The following NUBPL variants were observed in gnomAD, a reference collection of about 807,000 sequenced individuals.
NUBPL encodes NUBP iron-sulfur cluster assembly factor, mitochondrial.
NUBPL carries 31 observed loss-of-function variants against 45.7 expected under a neutral mutation model. The observed-to-expected ratio is 0.68, with a 90% CI of 0.51 to 0.92. The LOEUF is 0.92. NUBPL is among the 40% of genes least tolerant of loss of function. NUBPL has a pLI of 0.00. For missense variants in NUBPL, 401 were observed against 398.7 expected (o/e 1.01, Z -0.05); for synonymous variants, 144 against 140.9 (o/e 1.02, Z -0.15).
intron 6 of NUBPL, among the ~76,000 whole-genome samples, chr14:31,779,321 A>G (rs1381520536): frequency 6.6e-6 from 1 of 151,912 alleles, no homozygotes; most frequent in Admixed American, 6.6e-5. Flanking sequence ...CTGGGCAACA[A>G]GAATAAAACT....
intron 3 of NUBPL, among the ~76,000 whole-genome samples, chr14:31,591,197 C>T (rs2034133241): frequency 6.6e-6 from 1 of 152,190 alleles, no homozygotes; most frequent in South Asian, 2.1e-4. Flanking sequence ...CTTTATCACT[C>T]TGTCACCCAG....
At chr14:31,648,237 G>A (rs2139726635) in intron 4 of NUBPL, among the ~76,000 whole-genome samples, 1 of 152,248 alleles carries the variant, frequency 6.6e-6, no homozygotes, top group East Asian at 1.9e-4. Context: ...ATTCAAACCA[G>A]GCAATTAAAA....
At chr14:31,698,486 T>A (rs935781249) in intron 6 of NUBPL, among the ~76,000 whole-genome samples, 4 of 152,166 alleles carry the variant, frequency 2.6e-5, no homozygotes, top group Non-Finnish European at 5.9e-5. Flanking sequence ...TACCAGAGAT[T>A]GCCAGATGAT....
chr14:31,628,479 A>G (rs149651804), intron 4 of NUBPL, among the ~76,000 whole-genome samples: 2 of 152,350 alleles, frequency 1.3e-5, no homozygotes, highest in African/African-American at 4.8e-5. Context: ...TGCCAAACTC[A>G]TAGTAGGCAG....
intron 6 of NUBPL, among the ~76,000 whole-genome samples, chr14:31,720,208 A>G (rs1165847347): frequency 6.6e-6 from 1 of 152,198 alleles, no homozygotes; most frequent in African/African-American, 2.4e-5. Context: ...AAATTTGTTC[A>G]TCTCCATTCT....
intron 7 of NUBPL, among the ~76,000 whole-genome samples, chr14:31,791,183 C>T (rs982770545): frequency 1.3e-5 from 2 of 152,046 alleles, no homozygotes; most frequent in Non-Finnish European, 2.9e-5. Context: ...GAGGCCGAGG[C>T]AGGAAGATCA....
intron 7 of NUBPL, among the ~76,000 whole-genome samples, chr14:31,822,900 T>C (rs2040041207): frequency 6.6e-6 from 1 of 152,150 alleles, no homozygotes; most frequent in African/African-American, 2.4e-5. Flanking sequence ...GCTACTGTGT[T>C]AGGGTTAATT....
chr14:31,806,852 A>G (rs1390260507), intron 7 of NUBPL, among the ~76,000 whole-genome samples: 2 of 152,132 alleles, frequency 1.3e-5, no homozygotes, highest in African/African-American at 4.8e-5. Context: ...ATTCCCACCT[A>G]TCAGTGAGAA....
At chr14:31,744,433 A>G (rs2038351098) in intron 6 of NUBPL, among the ~76,000 whole-genome samples, 1 of 151,458 alleles carries the variant, frequency 6.6e-6, no homozygotes, top group Non-Finnish European at 1.5e-5. Context: ...AAAAATACAC[A>G]GAAGAACAAA....
intron 4 of NUBPL, among the ~76,000 whole-genome samples, chr14:31,633,348 CTT>C (rs1193940085): frequency 2.6e-5 from 4 of 152,172 alleles, no homozygotes; most frequent in African/African-American, 4.8e-5. Flanking sequence ...AAATAAAACA[CTT>C]TTAAAAAATT....
At chr14:31,566,604 A>T (rs956178773) in intron 3 of NUBPL, among the ~76,000 whole-genome samples, 1 of 152,048 alleles carries the variant, frequency 6.6e-6, no homozygotes, top group Admixed American at 6.6e-5. Flanking sequence ...TGGCCTGCCA[A>T]AAGTGTCCAC....
At position 31,593,040 on chromosome 14, in the gene NUBPL, T is replaced by A. The variant is rs79606038; in HGVS notation, c.292-6249T>A. On this transcript the variant is annotated intron_variant, in intron 3 of 10. Transcript: ENST00000281081. Reference sequence around the variant, plus strand: ...ACCAACTGTGGATCAAAAATATTTTTAAAAACCCAATAAAAAGAACAATAC... The same window carrying A: ...ACCAACTGTGGATCAAAAATATTTTAAAAAACCCAATAAAAAGAACAATAC... Among the ~76,000 whole-genome samples, 584 of 152,190 alleles carry A rather than the reference T, an allele frequency of 3.8e-3. 1 individual carries two copies. The highest frequency in any genetic ancestry group is 0.013 in the African/African-American group (528 of 41,506).
chr14:31,838,463 G>A (rs572413931), intron 8 of NUBPL, among the ~76,000 whole-genome samples: 2 of 152,240 alleles, frequency 1.3e-5, no homozygotes, highest in South Asian at 2.1e-4. Flanking sequence ...TTAGCTGGAT[G>A]AATCACTTGG....
intron 4 of NUBPL, among the ~76,000 whole-genome samples, chr14:31,624,854 C>G (rs781593124): frequency 6.6e-6 from 1 of 152,120 alleles, no homozygotes; most frequent in Non-Finnish European, 1.5e-5. Context: ...TGTGAGCCAC[C>G]GTGCCTGGCC....
intron 4 of NUBPL, among the ~76,000 whole-genome samples, chr14:31,610,946 A>G (rs1200550898): frequency 6.6e-6 from 1 of 152,188 alleles, no homozygotes; most frequent in Non-Finnish European, 1.5e-5. Flanking sequence ...AATAAACAGC[A>G]TGTATGACAG....
intron 6 of NUBPL, among the ~76,000 whole-genome samples, chr14:31,703,643 C>T (rs2037384745): frequency 6.6e-6 from 1 of 152,206 alleles, no homozygotes; most frequent in Non-Finnish European, 1.5e-5. Context: ...GACTTATTCA[C>T]TGTCTTGAGA....
intron 7 of NUBPL, among the ~76,000 whole-genome samples, chr14:31,814,985 T>C (rs2039886576): frequency 6.6e-6 from 1 of 152,242 alleles, no homozygotes; most frequent in African/African-American, 2.4e-5. Flanking sequence ...CCTCCAGCTT[T>C]GTTCTTTTCG....
At chr14:31,855,935 C>G (rs1345927255) in intron 10 of NUBPL, among the ~76,000 whole-genome samples, 1 of 152,020 alleles carries the variant, frequency 6.6e-6, no homozygotes, top group Non-Finnish European at 1.5e-5. Flanking sequence ...GAATTTACCC[C>G]CAGAGTAACT....
At chr14:31,608,329 G>A (rs376133156) in intron 4 of NUBPL, among the ~76,000 whole-genome samples, 31 of 152,166 alleles carry the variant, frequency 2.0e-4, no homozygotes, top group East Asian at 5.8e-4. Context: ...TGAGGCGGGC[G>A]GATCACCTGA....
Sources: gnomAD v4.1 joint callset for allele counts (sites outside exome capture counted in the v4.1 genomes callset) on GRCh38, gnomAD v4.1.1 for gene constraint, MANE v1.5 for transcripts, NCBI Gene and HGNC (gene_info 2026-07-23, HGNC 2026-07-21) for gene names.